The following TJP1 variants were observed in gnomAD, a reference collection of about 807,000 sequenced individuals.
The protein encoded by TJP1 is tight junction protein ZO-1.
A neutral mutation model predicts 194.2 loss-of-function variants in TJP1; 43 were observed. That is an observed-to-expected ratio of 0.22 (90% CI 0.17 to 0.29). The LOEUF (loss-of-function observed/expected upper bound fraction) is 0.29, where lower values mean the gene tolerates loss of function less well. Ranked by LOEUF, TJP1 falls within the 10% of genes least tolerant of loss-of-function variation. The pLI, the probability that TJP1 is intolerant of heterozygous loss-of-function variation, is 1.00. For synonymous variants in TJP1, 801 were observed against 779.0 expected (o/e 1.03, Z -0.47); for missense variants, 1,971 against 2,185.7 (o/e 0.90, Z 1.96).
At chr15:29,727,647 A>G (rs2043323747) in intron 16 of TJP1, among the ~76,000 whole-genome samples, 1 of 152,248 alleles carries the variant, frequency 6.6e-6, no homozygotes, top group Non-Finnish European at 1.5e-5. Context: ...TTATGAATGT[A>G]AATAACAAAC....
At position 29,711,138 on chromosome 15, in the gene TJP1, T is replaced by C. The variant is rs577821051; in HGVS notation, c.4203-138A>G. On this transcript the variant is annotated intron_variant, in intron 23 of 27. Transcript: ENST00000614355. ...ATTTATTCTCATGAGTATGGGTAGC[T>C]ACTCTACCAAAATATAAAAACAGAT... 74 of 923,276 alleles carry C rather than the reference T, an allele frequency of 8.0e-5. 2 individuals carry two copies. The South Asian group carries it at 1.8e-3, about 22-fold the overall frequency. 57.2% of individuals were successfully genotyped at this position (923,276 alleles called of 1,614,324 possible). A position where few individuals can be genotyped will look rare whatever the true frequency, so the allele number is the denominator to read the frequency against.
chr15:29,755,066 C>T (rs559757749), intron 8 of TJP1, among the ~76,000 whole-genome samples: 6 of 152,158 alleles, frequency 3.9e-5, no homozygotes, highest in African/African-American at 1.4e-4. Flanking sequence ...CAATAGTGGT[C>T]CCTGAAGATT....
At chr15:29,796,177 A>G (rs2048387347) in intron 2 of TJP1, among the ~76,000 whole-genome samples, 1 of 152,092 alleles carries the variant, frequency 6.6e-6, no homozygotes, top group Non-Finnish European at 1.5e-5. Flanking sequence ...GAAAGTCCAA[A>G]CTAGTGCAAT....
chr15:29,958,654 C>T (rs1053946905), intron 1 of TJP1, among the ~76,000 whole-genome samples: 47 of 152,224 alleles, frequency 3.1e-4, no homozygotes, highest in African/African-American at 1.0e-3. Context: ...CCATCACACA[C>T]GTATATGTAC....
chr15:29,947,738 G>C (rs2055332970), intron 2 of TJP1, among the ~76,000 whole-genome samples: 1 of 152,180 alleles, frequency 6.6e-6, no homozygotes, highest in Admixed American at 6.5e-5. Context: ...AAAGTTTTCT[G>C]ACCCTTTACT....
chr15:29,822,292 G>A lies in TJP1; in HGVS notation c.-264C>T. 1 of 1,131,126 alleles carries A rather than the reference G, an allele frequency of 8.8e-7. No homozygotes were observed. Among genetic ancestry groups the A allele is most frequent in the Non-Finnish European group, 1.1e-6 (1 of 922,982 alleles). 70.1% of individuals were successfully genotyped at this position (1,131,126 alleles called of 1,614,324 possible). A position where few individuals can be genotyped will look rare whatever the true frequency, so the allele number is the denominator to read the frequency against. On this transcript the variant is annotated 5_prime_UTR_variant, in exon 1 of 28. Transcript: ENST00000614355. ...AGCGCGGCCACCCACTCGGCCTCCC[G>A]CAGCTTTCGCAGCCCGGCCACGTCG...
chr15:29,800,560 T>C (rs2048714401), intron 2 of TJP1, 86 bp downstream of exon 2: 1 of 1,349,564 alleles, frequency 7.4e-7, no homozygotes, highest in African/African-American at 1.5e-5. Flanking sequence ...CCCTCTGGCT[T>C]CCTGACATCT....
upstream of TJP1, chr15:29,822,532 G>A (rs1163709020): frequency 1.0e-6 from 1 of 977,110 alleles, no homozygotes; most frequent in Admixed American, 6.2e-5. Flanking sequence ...TGGACGAGGC[G>A]AGGCGAGGCG....
intron 4 of TJP1, among the ~76,000 whole-genome samples, chr15:29,771,800 G>A (rs767137245): frequency 1.3e-4 from 18 of 143,648 alleles, no homozygotes; most frequent in African/African-American, 4.1e-4. Flanking sequence ...GCGAGACTCC[G>A]TCTCAAAAAA....
At chr15:29,772,927 G>C (rs1360682357) in intron 3 of TJP1, among the ~76,000 whole-genome samples, 1 of 152,096 alleles carries the variant, frequency 6.6e-6, no homozygotes, top group African/African-American at 2.4e-5. Context: ...ACCATGCCCA[G>C]CTGATTTTTA....
At chr15:29,860,985 C>T (rs949396026) in intron 2 of TJP1, among the ~76,000 whole-genome samples, 11 of 152,076 alleles carry the variant, frequency 7.2e-5, no homozygotes, top group Non-Finnish European at 1.2e-4. Context: ...GACTGAGAAA[C>T]GAAAAGAATT....
chr15:29,832,872 C>G (rs1479248688), intron 2 of TJP1, among the ~76,000 whole-genome samples: 2 of 152,172 alleles, frequency 1.3e-5, no homozygotes, highest in Non-Finnish European at 2.9e-5. Context: ...GCCTTTCTCC[C>G]CTGACACAAT....
chr15:29,822,023 G>A lies in TJP1; in HGVS notation c.6C>T (p.Ser2=). The A allele has an allele frequency of 1.5e-6, 2 of 1,355,292 alleles. No individual in the cohort carries two copies. Among genetic ancestry groups the A allele is most frequent in the African/African-American group, 1.5e-5 (1 of 66,778 alleles). The allele number at this position is 1,355,292 out of a possible 1,614,324, so 84.0% of individuals were successfully genotyped here. M[S]ARAAAAKSTA... ...TCACCTTGGCGGCCGCAGCTCTGGC[G>A]GACATCTTGTCTCTCTCCAGCGCCG... is the stretch of plus-strand genomic sequence containing the variant. Residue 2 remains serine, a synonymous_variant, in exon 1 of 28, where the codon TCC becomes TCT. Transcript: ENST00000614355.
At chr15:29,791,832 T>C (rs1035501637) in intron 2 of TJP1, among the ~76,000 whole-genome samples, 1 of 152,156 alleles carries the variant, frequency 6.6e-6, no homozygotes, top group African/African-American at 2.4e-5. Context: ...GGATGAAATA[T>C]TTCATTATAC....
At chr15:29,840,073 G>C (rs956549246) in intron 2 of TJP1, among the ~76,000 whole-genome samples, 2 of 152,168 alleles carry the variant, frequency 1.3e-5, no homozygotes, top group Non-Finnish European at 2.9e-5. Flanking sequence ...TGTGTCTTTT[G>C]TCCAGTTTCT....
chr15:29,906,164 C>T (rs1196853663), intron 2 of TJP1, among the ~76,000 whole-genome samples: 1 of 152,036 alleles, frequency 6.6e-6, no homozygotes, highest in Non-Finnish European at 1.5e-5. Flanking sequence ...TGCTGTGAAC[C>T]TAAAACTGCT....
chr15:29,849,440 T>TA (rs79680348), intron 2 of TJP1, among the ~76,000 whole-genome samples: 186 of 138,538 alleles, frequency 1.3e-3, no homozygotes, highest in Admixed American at 2.6e-3. Flanking sequence ...AAATTTTATT[T>TA]AAAAAAAAAA....
chr15:29,815,562 T>A (rs915095436), intron 1 of TJP1, among the ~76,000 whole-genome samples: 11 of 152,240 alleles, frequency 7.2e-5, no homozygotes, highest in African/African-American at 2.7e-4. Context: ...AGCACGTGAA[T>A]GCTTTCAGGC....
intron 1 of TJP1, among the ~76,000 whole-genome samples, chr15:29,811,128 A>C (rs888482008): frequency 4.6e-5 from 7 of 152,260 alleles, no homozygotes; most frequent in African/African-American, 1.2e-4. Flanking sequence ...GTTTGAGAAC[A>C]AGAAACAAGG....
Sources: allele counts gnomAD v4.1 joint callset (sites outside exome capture counted in the v4.1 genomes callset), GRCh38; gene constraint gnomAD v4.1.1; transcripts MANE v1.5; gene names NCBI Gene and HGNC (gene_info 2026-07-23, HGNC 2026-07-21).